Variants in NUP98 observed in about 807,000 individuals in gnomAD.
NUP98 encodes nuclear pore complex protein Nup98-Nup96.
A neutral mutation model predicts 191.9 loss-of-function variants in NUP98; 26 were observed. That is an observed-to-expected ratio of 0.14 (90% CI 0.10 to 0.19). The LOEUF (loss-of-function observed/expected upper bound fraction) is 0.19, where lower values mean the gene tolerates loss of function less well. NUP98 is among the 10% of genes least tolerant of loss of function. The pLI, the probability that NUP98 is intolerant of heterozygous loss-of-function variation, is 1.00. For missense variants in NUP98, 1,941 were observed against 2,178.8 expected (o/e 0.89, Z 2.17); for synonymous variants, 808 against 778.4 (o/e 1.04, Z -0.63).
chr11:3,737,513 G>A (rs2080113060), intron 12 of NUP98, among the ~76,000 whole-genome samples: 1 of 152,066 alleles, frequency 6.6e-6, no homozygotes, highest in Admixed American at 6.6e-5. Context: ...TGTAGTCCCA[G>A]CTACTCCGGA....
At chr11:3,735,420 G>A in intron 12 of NUP98, 96 bp from the exon 13 acceptor site, 1 of 630,278 alleles carries the variant, frequency 1.6e-6, no homozygotes. Context: ...TCTTTTTGAA[G>A]AAGTGGTCTT....
At chr11:3,749,144 T>C (rs372102491) in intron 11 of NUP98, among the ~76,000 whole-genome samples, 6 of 143,832 alleles carry the variant, frequency 4.2e-5, no homozygotes, top group Admixed American at 2.1e-4. Flanking sequence ...CCGTCTCTAC[T>C]AAAAATACAA....
At chr11:3,740,221 A>G (rs923547329) in intron 12 of NUP98, among the ~76,000 whole-genome samples, 5 of 152,044 alleles carry the variant, frequency 3.3e-5, no homozygotes, top group South Asian at 2.1e-4. Context: ...GAATTAATGG[A>G]AAGTCTAAGC....
intron 4 of NUP98, among the ~76,000 whole-genome samples, chr11:3,776,271 G>A (rs529911498): frequency 2.6e-5 from 4 of 151,682 alleles, no homozygotes; most frequent in Admixed American, 6.6e-5. Context: ...ACAGGCATGC[G>A]CCACCACACC....
rs112588227 is a variant in NUP98 at position 3,784,080 on chromosome 11, G to A, written c.-28-1935C>T. Among the ~76,000 whole-genome samples the A allele has an allele frequency of 1.0e-2, 1,516 of 152,244 alleles. 27 individuals carry two copies. The highest frequency in any genetic ancestry group is 0.035 in the African/African-American group (1,457 of 41,538). ...ATGCTCATCTGGATTCTGTGACAGA[G>A]ATGATGATTTTTCTATTATAGCCAC... On this transcript the variant is annotated intron_variant, in intron 1 of 32. Coordinates refer to ENST00000324932, the MANE Select transcript of NUP98 (RefSeq NM_016320.5).
chr11:3,685,397 A>T (rs2134026476), intron 29 of NUP98, among the ~76,000 whole-genome samples: 1 of 152,348 alleles, frequency 6.6e-6, no homozygotes, highest in South Asian at 2.1e-4. Context: ...ACACAGAAAA[A>T]GCAGGGACCT....
intron 8 of NUP98, among the ~76,000 whole-genome samples, chr11:3,764,844 C>T (rs2081285919): frequency 6.6e-6 from 1 of 152,232 alleles, no homozygotes; most frequent in South Asian, 2.1e-4. Context: ...TCCCAAAGTG[C>T]TGGGATTAAA....
chr11:3,683,688 G>A (rs1189508566), intron 29 of NUP98, among the ~76,000 whole-genome samples: 2 of 140,858 alleles, frequency 1.4e-5, no homozygotes, highest in African/African-American at 5.1e-5. Flanking sequence ...ACAGGCATGT[G>A]CCACCACACC....
chr11:3,731,540 A>G lies in NUP98; in HGVS notation c.1581T>C (p.Leu527=). The stretch of plus-strand genomic sequence containing the variant: ...TCAGTTTATAATGAGTAGGTGTAGT[A>G]AGAGCCTTCTGGGCTGCTGGATTTG... ...KPTNPAAQKA[L]TTPTHYKLTP... Residue 527 remains leucine (L), a synonymous_variant, in exon 14 of 33, where the codon CTT becomes CTC. Transcript: ENST00000324932. 1 of 1,597,788 alleles carries G rather than the reference A, an allele frequency of 6.3e-7. No individual in the cohort carries two copies. The highest frequency in any genetic ancestry group is 1.7e-4 in the Middle Eastern group (1 of 5,954).
intron 1 of NUP98, among the ~76,000 whole-genome samples, chr11:3,791,824 A>G (rs1464331503): frequency 6.6e-6 from 1 of 150,884 alleles, no homozygotes; most frequent in Non-Finnish European, 1.5e-5. Flanking sequence ...CCTAGGCGAC[A>G]GAGTGAGACT....
rs137889980 is a variant in NUP98, at chr11:3,723,548, C to A, written c.1848-93G>T. On this transcript the variant is annotated intron_variant, in intron 15 of 32. Coordinates refer to ENST00000324932, the MANE Select transcript of NUP98 (RefSeq NM_016320.5). ...TACCGAGCCTTTACTAAGTGCCTGG[C>A]ACTGTTCTGGATAGTTCCATGTATT... The A allele has an allele frequency of 1.6e-5, 16 of 1,023,486 alleles. No individual in the cohort carries two copies. The Admixed American group carries it at 2.4e-4, about 15-fold the overall frequency. The allele number at this position is 1,023,486 out of a possible 1,614,324, so 63.4% of individuals were successfully genotyped here. A position where few individuals can be genotyped will look rare whatever the true frequency, so the allele number is the denominator to read the frequency against.
intron 14 of NUP98, among the ~76,000 whole-genome samples, chr11:3,727,368 A>G (rs531188186): frequency 6.6e-6 from 1 of 152,258 alleles, no homozygotes; most frequent in Admixed American, 6.5e-5. Context: ...ATGAACACAG[A>G]GGGCAGAACT....
chr11:3,725,181 T>C lies in NUP98; in HGVS notation c.1769A>G (p.Asn590Ser). The C allele has an allele frequency of 3.8e-6, 6 of 1,598,230 alleles. No homozygotes were observed. Among genetic ancestry groups the C allele is most frequent in the Non-Finnish European group, 5.1e-6 (6 of 1,167,732 alleles). ...ATTAACAGGAGAAAAGAGATTGCTA[T>C]TATTAAGGTTCTTCAAAACCAACTT... ...IKKLVLKNLN[N>S]SNLFSPVNRD... Residue 590 changes from asparagine (N) to serine (S), a missense_variant, in exon 15 of 33, where the codon AAT (asparagine) becomes AGT (serine). Around this residue, in one of 6 missense-constraint regions of NUP98, gnomAD observed 453 missense variants for 438.2 expected, o/e 1.03. Coordinates refer to ENST00000324932, the MANE Select transcript of NUP98 (RefSeq NM_016320.5).
At chr11:3,746,426 G>A (rs1024672051) in intron 11 of NUP98, among the ~76,000 whole-genome samples, 2 of 151,714 alleles carry the variant, frequency 1.3e-5, no homozygotes, top group African/African-American at 4.9e-5. Flanking sequence ...CTACAGAATT[G>A]TTTATTTTCT....
Position 3,773,506 on chromosome 11 carries a change from T to A in NUP98, c.603+126A>T, listed in dbSNP as rs897009274. ...TGATTTTTAAAAATAATTTGGTTAATGTTAATTTTTTACATAAACCCAAAC... is the reference window on the plus strand; with the variant it reads ...TGATTTTTAAAAATAATTTGGTTAAAGTTAATTTTTTACATAAACCCAAAC... On this transcript the variant is annotated intron_variant, in intron 6 of 32. Transcript: ENST00000324932. The A allele has an allele frequency of 1.3e-4, 67 of 506,162 alleles. No individual in the cohort carries two copies. In the East Asian group the frequency reaches 2.0e-3, roughly 15 times the overall value. 31.4% of individuals were successfully genotyped at this position (506,162 alleles called of 1,614,324 possible).
chr11:3,679,444 C>A lies in NUP98; in HGVS notation c.5073+110G>T, dbSNP rs748409041. 15 of 1,208,034 alleles carry A rather than the reference C, an allele frequency of 1.2e-5. No individual in the cohort carries two copies. The African/African-American group carries it at 2.2e-4, about 18-fold the overall frequency. 74.8% of individuals were successfully genotyped at this position (1,208,034 alleles called of 1,614,324 possible). A position where few individuals can be genotyped will look rare whatever the true frequency, so the allele number is the denominator to read the frequency against. On this transcript the variant is annotated intron_variant, in intron 31 of 32. Coordinates refer to ENST00000324932, the MANE Select transcript of NUP98 (RefSeq NM_016320.5). ...CAGCAAGATGCCTGCTTTGACAGTG[C>A]TATCTCTGTCAGTGCATTCTCAAGT...
chr11:3,749,022 A>C (rs1395930947), intron 11 of NUP98, among the ~76,000 whole-genome samples: 3 of 152,098 alleles, frequency 2.0e-5, no homozygotes, highest in African/African-American at 7.2e-5. Context: ...AAAATAAATT[A>C]AGAGGGCCGG....
At chr11:3,779,128 C>CG in intron 3 of NUP98, 28 bp downstream of exon 3, 1 of 1,613,048 alleles carries the variant, frequency 6.2e-7, no homozygotes, top group Non-Finnish European at 8.5e-7. Context: ...TACAAACAAA[C>CG]CAGTTATATC....
At chr11:3,726,227 A>C (rs931073422) in intron 14 of NUP98, among the ~76,000 whole-genome samples, 1 of 152,188 alleles carries the variant, frequency 6.6e-6, no homozygotes, top group Non-Finnish European at 1.5e-5. Flanking sequence ...AAAAGAGTTG[A>C]ACTAAAAGGA....
Sources: gnomAD v4.1 joint callset for allele counts (sites outside exome capture counted in the v4.1 genomes callset) on GRCh38, gnomAD v4.1.1 for gene constraint, gnomAD v4.1.1 regional missense constraint, MANE v1.5 for transcripts, NCBI Gene and HGNC (gene_info 2026-07-23, HGNC 2026-07-21) for gene names.